Variants in SPIDR observed in about 807,000 individuals in gnomAD.
SPIDR encodes scaffold protein involved in DNA repair, also known as DNA repair-scaffolding protein.
SPIDR carries 93 observed loss-of-function variants against 104.6 expected under a neutral mutation model. The ratio of observed to expected loss-of-function variants is 0.89; its 90% CI spans 0.75 to 1.06. The LOEUF (loss-of-function observed/expected upper bound fraction) is 1.06. Among genes scored for constraint, SPIDR ranks in the 50% least tolerant of loss-of-function variants. SPIDR has a pLI of 0.00. For synonymous variants in SPIDR, 431 were observed against 416.9 expected (o/e 1.03, Z -0.41); for missense variants, 1,154 against 1,111.2 (o/e 1.04, Z -0.55).
intron 10 of SPIDR, among the ~76,000 whole-genome samples, chr8:47,602,963 G>A (rs2062473813): frequency 6.6e-6 from 1 of 152,320 alleles, no homozygotes; most frequent in Non-Finnish European, 1.5e-5. Flanking sequence ...TCAAGGTGTT[G>A]TAGGTCAGAG....
chr8:47,330,422 G>A (rs1201400062), intron 5 of SPIDR, among the ~76,000 whole-genome samples: 5 of 152,108 alleles, frequency 3.3e-5, no homozygotes, highest in Admixed American at 1.3e-4. Context: ...TATATTCTGT[G>A]AGTTTGAACA....
At chr8:47,596,386 C>T (rs2061618107) in intron 9 of SPIDR, among the ~76,000 whole-genome samples, 1 of 152,156 alleles carries the variant, frequency 6.6e-6, no homozygotes, top group Non-Finnish European at 1.5e-5. Context: ...CACACCTAGG[C>T]TATATGGTAT....
intron 5 of SPIDR, among the ~76,000 whole-genome samples, chr8:47,329,610 G>A (rs185650819): frequency 2.0e-5 from 3 of 152,238 alleles, no homozygotes; most frequent in Admixed American, 1.3e-4. Context: ...TGCCAGTCAC[G>A]CATAGAAACA....
intron 8 of SPIDR, among the ~76,000 whole-genome samples, chr8:47,574,581 C>A (rs959938065): frequency 6.6e-6 from 1 of 151,888 alleles, no homozygotes; most frequent in Non-Finnish European, 1.5e-5. Context: ...CATGGCAAAA[C>A]CCCATCTCTA....
chr8:47,530,102 G>A (rs1355167007), intron 8 of SPIDR, among the ~76,000 whole-genome samples: 1 of 152,128 alleles, frequency 6.6e-6, no homozygotes, highest in Non-Finnish European at 1.5e-5. Context: ...ACTGCTCCTA[G>A]GCTACACACT....
At chr8:47,627,354 G>C (rs546330587) in intron 10 of SPIDR, among the ~76,000 whole-genome samples, 2 of 151,856 alleles carry the variant, frequency 1.3e-5, no homozygotes, top group African/African-American at 4.8e-5. Flanking sequence ...AAACCTGCAC[G>C]TTGTGCACAT....
chr8:47,483,066 A>G (rs952453100), intron 8 of SPIDR, among the ~76,000 whole-genome samples: 2 of 151,988 alleles, frequency 1.3e-5, no homozygotes, highest in East Asian at 1.9e-4. Context: ...GGGCTTTCCT[A>G]TTCTTGCTGA....
At chr8:47,617,656 T>C (rs895773623) in intron 10 of SPIDR, among the ~76,000 whole-genome samples, 6 of 152,186 alleles carry the variant, frequency 3.9e-5, no homozygotes, top group Non-Finnish European at 5.9e-5. Context: ...TAATAGACCT[T>C]TGTCAAGTGC....
chr8:47,728,065 C>T (rs1386189384), intron 17 of SPIDR, among the ~76,000 whole-genome samples: 1 of 150,524 alleles, frequency 6.6e-6, no homozygotes, highest in African/African-American at 2.5e-5. Flanking sequence ...TGCAGTGAGC[C>T]GAGATCACAC....
At chr8:47,283,379 G>C (rs972555917) in intron 2 of SPIDR, among the ~76,000 whole-genome samples, 1 of 152,192 alleles carries the variant, frequency 6.6e-6, no homozygotes, top group East Asian at 1.9e-4. Context: ...GGTTTTGACT[G>C]TGGCACCCCA....
chr8:47,726,735 C>CT (rs200870943), intron 16 of SPIDR, among the ~76,000 whole-genome samples: 1 of 152,018 alleles, frequency 6.6e-6, no homozygotes, highest in South Asian at 2.1e-4. Context: ...TTTATTTCAT[C>CT]TTTTTTTTGG....
At chr8:47,624,254 G>C (rs1297138911) in intron 10 of SPIDR, among the ~76,000 whole-genome samples, 1 of 152,064 alleles carries the variant, frequency 6.6e-6, no homozygotes, top group Non-Finnish European at 1.5e-5. Flanking sequence ...GAGGGAAATT[G>C]ATAGCACTAA....
At chr8:47,410,879 A>G (rs782468246) in intron 7 of SPIDR, among the ~76,000 whole-genome samples, 38 of 151,808 alleles carry the variant, frequency 2.5e-4, no homozygotes, top group Admixed American at 2.0e-4. Flanking sequence ...CTCATTGTTC[A>G]TTTCCCACCT....
At chr8:47,494,122 G>C (rs1417579793) in intron 8 of SPIDR, among the ~76,000 whole-genome samples, 1 of 151,592 alleles carries the variant, frequency 6.6e-6, no homozygotes, top group African/African-American at 2.4e-5. Flanking sequence ...TTTTGTAGCT[G>C]GGACTCCACC....
intron 5 of SPIDR, chr8:47,357,737 T>G: frequency 2.7e-6 from 1 of 367,700 alleles, no homozygotes; most frequent in Non-Finnish European, 3.8e-6. Context: ...TGTTTTTCAC[T>G]TTTAAGAAAG....
chr8:47,553,128 T>G (rs1209907682), intron 8 of SPIDR, among the ~76,000 whole-genome samples: 6 of 152,190 alleles, frequency 3.9e-5, no homozygotes, highest in Non-Finnish European at 8.8e-5. Flanking sequence ...TGCCAAGAGA[T>G]CCGCTGTTAG....
At position 47,514,236 on chromosome 8, in the gene SPIDR, A is replaced by G. The variant is rs2082782527; in HGVS notation, c.1097+73694A>G. On this transcript the variant is annotated intron_variant, in intron 8 of 19. Coordinates refer to ENST00000297423, the MANE Select transcript of SPIDR (RefSeq NM_001080394.4). The stretch of plus-strand genomic sequence containing the variant: ...GAAGTTACTGATTGAGGTTTTTTTC[A>G]TTCATTTGGTATAGAAATGACTGCT... 2.6e-5 allele frequency among the ~76,000 whole-genome samples: 4 copies of G among 152,210 alleles called. No individual in the cohort carries two copies. In the South Asian group the frequency reaches 8.3e-4, roughly 32 times the overall value.
intron 8 of SPIDR, among the ~76,000 whole-genome samples, chr8:47,450,281 G>A (rs1222423088): frequency 3.9e-5 from 6 of 152,188 alleles, no homozygotes; most frequent in East Asian, 1.9e-4. Flanking sequence ...GAAGGTGAAA[G>A]GGCAAGAGAG....
chr8:47,731,109 A>G lies in SPIDR; in HGVS notation c.2604+1644A>G, dbSNP rs376702639. On this transcript the variant is annotated intron_variant, in intron 19 of 19. Transcript: ENST00000297423. ...CCCATCTCTACTAAAAATACAAAAA[A>G]GCTGGGTGTGGTGGTGCGCATCTGT... 4.6e-5 allele frequency among the ~76,000 whole-genome samples: 7 copies of G among 152,118 alleles called. No individual in the cohort carries two copies. In the South Asian group the frequency reaches 1.0e-3, roughly 23 times the overall value.
Sources: allele counts gnomAD v4.1 joint callset (sites outside exome capture counted in the v4.1 genomes callset), GRCh38; gene constraint gnomAD v4.1.1; transcripts MANE v1.5; gene names NCBI Gene and HGNC (gene_info 2026-07-23, HGNC 2026-07-21).